PAXIP1: variants seen among roughly 807,000 people sequenced by gnomAD.
PAXIP1 encodes the protein PAX interacting protein 1, also known as PAX-interacting protein 1.
In PAXIP1, 19 loss-of-function variants were observed where a neutral mutation model predicts 140.6. The ratio of observed to expected loss-of-function variants is 0.14; its 90% CI spans 0.09 to 0.20. The LOEUF (loss-of-function observed/expected upper bound fraction) is 0.20, where lower values mean the gene tolerates loss of function less well. Ranked by LOEUF, PAXIP1 falls within the 10% of genes least tolerant of loss-of-function variation. The probability of loss-of-function intolerance (pLI) is 1.00; values close to 1 mark genes in which losing one functional copy is unlikely to be tolerated. For synonymous variants in PAXIP1, 442 were observed against 444.6 expected, an observed-to-expected ratio of 0.99 and a Z score of 0.07; for missense variants, 920 against 1,208.6, an observed-to-expected ratio of 0.76 and a Z score of 3.54.
intron 10 of PAXIP1, 132 bp from the exon 11 acceptor site, chr7:154,961,780 T>C: frequency 1.3e-6 from 1 of 784,910 alleles, no homozygotes. Flanking sequence ...CATTTGGTAA[T>C]ATCATTCCTA....
At chr7:154,996,269 A>G (rs1810605518) in intron 2 of PAXIP1, among the ~76,000 whole-genome samples, 1 of 152,228 alleles carries the variant, frequency 6.6e-6, no homozygotes, top group African/African-American at 2.4e-5. Flanking sequence ...ACCACCTTGT[A>G]ATGTAACACA....
chr7:154,958,712 T>G (rs371058286), intron 13 of PAXIP1, among the ~76,000 whole-genome samples: 12 of 152,296 alleles, frequency 7.9e-5, no homozygotes, highest in African/African-American at 2.9e-4. Flanking sequence ...CTCTAAGATT[T>G]TTAGCTTTTA....
intron 16 of PAXIP1, chr7:154,950,790 T>C (rs1808238254): frequency 6.6e-6 from 1 of 152,218 alleles, no homozygotes; most frequent in South Asian, 2.1e-4. Flanking sequence ...TATTATTTAG[T>C]GCTAAAAAGA....
chr7:154,948,760 A>G lies in PAXIP1; in HGVS notation c.2822-757T>C, dbSNP rs943093706. The G allele has an allele frequency of 7.3e-5, 11 of 150,422 alleles. No individual in the cohort carries two copies. In the South Asian group the frequency reaches 2.3e-3, roughly 32 times the overall value. The allele number at this position is 150,422 out of a possible 1,614,324, so 9.3% of individuals were successfully genotyped here. On this transcript the variant is annotated intron_variant, in intron 16 of 20. Coordinates refer to ENST00000404141, the MANE Select transcript of PAXIP1 (RefSeq NM_007349.4). ...GCTTCAAATAATCCCATCCAAGTGT[A>G]TATTATATATATATATGTTATATAT...
chr7:154,998,465 G>A (rs1374254284), intron 2 of PAXIP1, among the ~76,000 whole-genome samples, 185 bp downstream of exon 2: 2 of 152,064 alleles, frequency 1.3e-5, no homozygotes, highest in Admixed American at 6.5e-5. Context: ...CTGAGATCGT[G>A]CCATTGCACT....
Position 155,002,836 on chromosome 7 carries a change from G to T in PAXIP1, c.81+13C>A. On this transcript the variant is annotated intron_variant, in intron 1 of 20. Transcript: ENST00000404141. ...GACGGGGGAGGAGGCCGCGGCAGGG[G>T]CGGGCGCGGTACCTGCGGGTCGATG... The T allele has an allele frequency of 7.4e-7, 1 of 1,345,362 alleles. No individual in the cohort carries two copies. The highest frequency in any genetic ancestry group is 1.5e-5 in the South Asian group (1 of 66,154). The allele number at this position is 1,345,362 out of a possible 1,614,324, so 83.3% of individuals were successfully genotyped here. A position where few individuals can be genotyped will look rare whatever the true frequency, so the allele number is the denominator to read the frequency against.
In PAXIP1 at chr7:154,967,793, C is replaced by A. The variant is rs1257515157; in HGVS notation, c.1893+23G>T. On this transcript the variant is annotated intron_variant, in intron 8 of 20. Coordinates refer to ENST00000404141, the MANE Select transcript of PAXIP1 (RefSeq NM_007349.4). ...AAGAAGCATCTTCAGACACAGTCATCCTTCCTCCAGGCACAATCTCACCCT... is the reference window on the plus strand; with the variant it reads ...AAGAAGCATCTTCAGACACAGTCATACTTCCTCCAGGCACAATCTCACCCT... 2.6e-6 allele frequency: 4 copies of A among 1,544,238 alleles called. No individual in the cohort carries two copies. The African/African-American group carries it at 4.1e-5, about 16-fold the overall frequency.
intron 6 of PAXIP1, chr7:154,974,532 G>A (rs1809478519): frequency 6.6e-6 from 1 of 152,198 alleles, no homozygotes; most frequent in Non-Finnish European, 1.5e-5. Context: ...GGAACTCTGT[G>A]CCCTCAGTTC....
chr7:154,993,859 C>T (rs1400308550), intron 2 of PAXIP1, 90 bp from the exon 3 acceptor site: 1 of 887,334 alleles, frequency 1.1e-6, no homozygotes, highest in African/African-American at 1.7e-5. Context: ...TTAAAAGTCT[C>T]TGTTACAACC....
chr7:154,968,965 C>G lies in PAXIP1; in HGVS notation c.1236G>C (p.Gln412His). The part of the protein sequence containing the change: ...QQQQQAQQQQ[Q>H]QHPVLHLQPQ... ...GCTGAAGGTGTAAAACCGGGTGCTG[C>G]TGCTGCTGCTGCTGGGCCTGCTGCT... Residue 412 changes from glutamine to histidine, a missense_variant, in exon 7 of 21, where the codon CAG (glutamine) becomes CAC (histidine). Physicochemically the swap from Gln to His is conservative, Grantham distance 24. This residue lies in a region of PAXIP1 where 419 missense variants were observed against 514.7 expected (regional missense o/e 0.81). Coordinates refer to ENST00000404141, the MANE Select transcript of PAXIP1 (RefSeq NM_007349.4). 1 of 1,534,570 alleles carries G rather than the reference C, an allele frequency of 6.5e-7. No homozygotes were observed.
chr7:154,945,438 AATT>A (rs1459894438), intron 20 of PAXIP1: 5 of 569,332 alleles, frequency 8.8e-6, no homozygotes, highest in Non-Finnish European at 1.1e-5. Flanking sequence ...ACTTAAATGT[AATT>A]ACCTGGATGA....
At chr7:154,976,803 A>G (rs574903725) in intron 5 of PAXIP1, among the ~76,000 whole-genome samples, 98 of 152,338 alleles carry the variant, frequency 6.4e-4, no homozygotes, top group African/African-American at 2.4e-3. Flanking sequence ...TGCATAGGAC[A>G]GCTCTATTCA....
At chr7:154,995,640 A>G (rs528324516) in intron 2 of PAXIP1, among the ~76,000 whole-genome samples, 2 of 152,320 alleles carry the variant, frequency 1.3e-5, no homozygotes, top group African/African-American at 4.8e-5. Flanking sequence ...ACTTGAGGTG[A>G]CAGGTTCGAG....
intron 6 of PAXIP1, among the ~76,000 whole-genome samples, chr7:154,971,996 C>G (rs926427109): frequency 1.3e-5 from 2 of 152,174 alleles, no homozygotes; most frequent in African/African-American, 2.4e-5. Flanking sequence ...ATGGATGGAG[C>G]CTTCTCAGTT....
At chr7:154,975,171 AAAC>A (rs1172408098) in intron 6 of PAXIP1, among the ~76,000 whole-genome samples, 1 of 151,544 alleles carries the variant, frequency 6.6e-6, no homozygotes, top group Admixed American at 6.6e-5. Flanking sequence ...AAAAAAAAAA[AAAC>A]AAAAACAAAA....
In PAXIP1 at chr7:154,975,975, G is replaced by A; in HGVS notation, c.795C>T (p.Asn265=). ...SSPEKQERNL[N]WTPAEVPQLA... is the part of the protein sequence containing the mutation. ...ACTGTGGGACTTCGGCCGGGGTCCA[G>A]TTTAAATTTCTCTCCTGTTTTTCCG... is the stretch of plus-strand genomic sequence containing the variant. The change falls in exon 6 of 21, where the codon AAC becomes AAT. Residue 265 remains asparagine (N), a synonymous_variant. Coordinates refer to ENST00000404141, the MANE Select transcript of PAXIP1 (RefSeq NM_007349.4). The A allele has an allele frequency of 6.2e-7, 1 of 1,613,736 alleles. No individual in the cohort carries two copies. The highest frequency in any genetic ancestry group is 1.6e-4 in the Middle Eastern group (1 of 6,062).
chr7:154,970,990 G>A (rs936198631), intron 6 of PAXIP1, among the ~76,000 whole-genome samples: 5 of 152,278 alleles, frequency 3.3e-5, no homozygotes, highest in African/African-American at 4.8e-5. Context: ...GCTGCTCCCC[G>A]CCTCTCTGTA....
rs1407706519 is a variant in PAXIP1, at chr7:154,968,487, G to C, written c.1714C>G (p.Gln572Glu). 8.8e-7 allele frequency: 1 copy of C among 1,133,088 alleles called. No homozygotes were observed. The highest frequency in any genetic ancestry group is 2.6e-5 in the East Asian group (1 of 39,022). The allele number at this position is 1,133,088 out of a possible 1,614,324, so 70.2% of individuals were successfully genotyped here. A position where few individuals can be genotyped will look rare whatever the true frequency, so the allele number is the denominator to read the frequency against. ...QALQHQVPPQ[Q>E]PPQQQQQQQP... ...TGTTGCTGCTGCTGCTGCGGGGGCT[G>C]CTGAGGTGGAACCTGATGCTGCAGC... is the stretch of plus-strand genomic sequence containing the variant. The change falls in exon 7 of 21, where the codon CAG becomes GAG. Residue 572 changes from glutamine (Q) to glutamate (E), a missense_variant. Coordinates refer to ENST00000404141, the MANE Select transcript of PAXIP1 (RefSeq NM_007349.4).
rs1180687647 is a variant in PAXIP1, at chr7:154,963,511, T to C, written c.1989+160A>G. ...CAAAGACAATGGTGCCCACAAAAGA[T>C]ATCAATCCCACCAAAGATTCGATCA... On this transcript the variant is annotated intron_variant, in intron 9 of 20. Transcript: ENST00000404141. This position sits in a 1 kb window ranked among gnomAD's most constrained non-coding sequence, Gnocchi z 4.1. Among the ~76,000 whole-genome samples, 1 of 152,158 alleles carries C rather than the reference T, an allele frequency of 6.6e-6. No homozygotes were observed. Among genetic ancestry groups the C allele is most frequent in the Non-Finnish European group, 1.5e-5 (1 of 68,020 alleles).
Sources: allele counts gnomAD v4.1 joint callset (sites outside exome capture counted in the v4.1 genomes callset), GRCh38; gene constraint gnomAD v4.1.1; regional missense constraint gnomAD v4.1.1; non-coding constraint Gnocchi (gnomAD v3.1); transcripts MANE v1.5; gene names NCBI Gene and HGNC (gene_info 2026-07-23, HGNC 2026-07-21).